The following FOXRED2 variants were observed in gnomAD, a reference collection of about 807,000 sequenced individuals.
FOXRED2 encodes FAD dependent oxidoreductase domain containing 2.
Under a neutral mutation model 52.5 loss-of-function variants are expected in FOXRED2, and 32 were observed. That is an observed-to-expected ratio of 0.61 (90% confidence interval 0.46 to 0.82). The LOEUF is 0.82. FOXRED2 is among the 40% of genes least tolerant of loss of function. The pLI is 0.00. For synonymous variants in FOXRED2, 405 were observed against 398.1 expected (o/e 1.02, Z -0.21); for missense variants, 848 against 937.5 (o/e 0.90, Z 1.25).
rs906176382 is a variant in FOXRED2 at position 36,506,279 on chromosome 22, G to A, written c.144C>T (p.Phe48=). The A allele has an allele frequency of 2.5e-6, 4 of 1,601,240 alleles. No individual in the cohort carries two copies. Among genetic ancestry groups the A allele is most frequent in the Non-Finnish European group, 3.4e-6 (4 of 1,173,398 alleles). Residue 48 remains phenylalanine (F), a synonymous_variant, in exon 2 of 9, where the codon TTC becomes TTT. Coordinates refer to ENST00000397224, the MANE Select transcript of FOXRED2 (RefSeq NM_001102371.2). ...CGTAGTCGCGTCCAGCGCGCTGCAG[G>A]AAGTAGGCCATCTGCAGGCCCGCGG... is the stretch of plus-strand genomic sequence containing the variant. ...AGPAGLQMAY[F]LQRAGRDYAV...
rs1367531316 is a variant in FOXRED2 at position 36,493,665 on chromosome 22, C to G, written c.1763G>C (p.Cys588Ser). ...GAAGCTTCGCAAATCGGTGTCCAAA[C>G]AGTTCTCCAGGAAGCGCCTCAGAGG... is the stretch of plus-strand genomic sequence containing the variant. ...ILPLRRFLEN[C>S]LDTDLRSFYA... The change falls in exon 8 of 9, where the codon TGT (cysteine) becomes TCT (serine). Residue 588 changes from cysteine (C) to serine (S), a missense_variant. Transcript: ENST00000397224. 1 of 1,614,198 alleles carries G rather than the reference C, an allele frequency of 6.2e-7. No homozygotes were observed. Among genetic ancestry groups the G allele is most frequent in the South Asian group, 1.1e-5 (1 of 91,086 alleles).
chr22:36,497,867 C>T, intron 6 of FOXRED2, 124 bp downstream of exon 6: 2 of 1,070,084 alleles, frequency 1.9e-6, no homozygotes, highest in South Asian at 1.5e-5. Flanking sequence ...CAGGCATGTT[C>T]CCCACAGCAG....
rs889725645 is a variant in FOXRED2, at chr22:36,503,379, G to T, written c.1049+719C>A. Among the ~76,000 whole-genome samples, 15 of 144,828 alleles carry T rather than the reference G, an allele frequency of 1.0e-4. No homozygotes were observed. The East Asian group carries it at 2.9e-3, about 28-fold the overall frequency. The stretch of plus-strand genomic sequence containing the variant: ...GGCTGGAGTGCAGTGGTGTGATCTC[G>T]GCTCACTGCAACTTCTGCTTCCCAG... On this transcript the variant is annotated intron_variant, in intron 4 of 8. Transcript: ENST00000397224.
In FOXRED2 at chr22:36,505,931, G is replaced by A. The variant is rs1169763113; in HGVS notation, c.492C>T (p.Ile164=). Reference sequence around the variant, plus strand: ...GCACCTGGCCCTTCTGGTCAGTTAGGATGAAGTAGTGGCCATTCCAGGCCT... The same window carrying A: ...GCACCTGGCCCTTCTGGTCAGTTAGAATGAAGTAGTGGCCATTCCAGGCCT... ...DRQAWNGHYF[I]LTDQKGQVHQ... is the part of the protein sequence containing the mutation. Residue 164 remains isoleucine (I), a synonymous_variant, in exon 2 of 9, where the codon ATC becomes ATT. Coordinates refer to ENST00000397224, the MANE Select transcript of FOXRED2 (RefSeq NM_001102371.2). 6.2e-7 allele frequency: 1 copy of A among 1,614,140 alleles called. No individual in the cohort carries two copies. The highest frequency in any genetic ancestry group is 1.1e-5 in the South Asian group (1 of 91,088).
chr22:36,501,142 A>G, intron 5 of FOXRED2, 99 bp downstream of exon 5: 1 of 1,247,806 alleles, frequency 8.0e-7, no homozygotes, highest in East Asian at 2.3e-5. Context: ...CTGACAAGCA[A>G]TCCCCTAATG....
chr22:36,493,661 CA>C lies in FOXRED2; in HGVS notation c.1766del (p.Leu589TrpfsTer32). On this transcript the variant is annotated frameshift_variant, in exon 8 of 9. Coordinates refer to ENST00000397224, the MANE Select transcript of FOXRED2 (RefSeq NM_001102371.2). LOFTEE classifies it low-confidence loss of function (END_TRUNC). ...CATAGAAGCTTCGCAAATCGGTGTCCAAACAGTTCTCCAGGAAGCGCCTCAG... is the reference window on the plus strand; with the variant it reads ...CATAGAAGCTTCGCAAATCGGTGTCCAACAGTTCTCCAGGAAGCGCCTCAG... ...LPLRRFLENCLDTDLRSFYAE... is the reference protein window; with the variant it reads ...LPLRRFLENCXDTDLRSFYAE... 6.2e-7 allele frequency: 1 copy of C among 1,614,136 alleles called. No individual in the cohort carries two copies. Among genetic ancestry groups the C allele is most frequent in the South Asian group, 1.1e-5 (1 of 91,074 alleles).
intron 4 of FOXRED2, among the ~76,000 whole-genome samples, chr22:36,503,019 C>T (rs1203585066): frequency 2.0e-5 from 3 of 149,636 alleles, no homozygotes; most frequent in African/African-American, 7.4e-5. Flanking sequence ...GACAGGGTCT[C>T]ACTCTGTTGC....
intron 3 of FOXRED2, 73 bp downstream of exon 3, chr22:36,504,442 G>C: frequency 3.7e-6 from 6 of 1,607,790 alleles, no homozygotes; most frequent in Non-Finnish European, 5.1e-6. Context: ...AGGAAGGGCA[G>C]GGGAGGGTTG....
chr22:36,495,916 C>T (rs772987475), intron 7 of FOXRED2, 51 bp downstream of exon 7: 39 of 1,595,290 alleles, frequency 2.4e-5, no homozygotes, highest in Admixed American at 1.0e-4. Flanking sequence ...ACCTTGCAGA[C>T]GGTGAGGTCT....
Position 36,505,890 on chromosome 22 carries a change from C to T in FOXRED2, c.527+6G>A. The T allele has an allele frequency of 6.2e-7, 1 of 1,606,060 alleles. No individual in the cohort carries two copies. Among genetic ancestry groups the T allele is most frequent in the East Asian group, 2.2e-5 (1 of 44,622 alleles). On this transcript the variant is annotated splice_donor_region_variant and intron_variant, in intron 2 of 8. Coordinates refer to ENST00000397224, the MANE Select transcript of FOXRED2 (RefSeq NM_001102371.2). Reference sequence around the variant, plus strand: ...TTCCGCAGGTGAGCTCTGGCACCGGCCTTACCTGCACTGATGCACCTGGCC... The same window carrying T: ...TTCCGCAGGTGAGCTCTGGCACCGGTCTTACCTGCACTGATGCACCTGGCC...
At chr22:36,497,946 G>T in intron 6 of FOXRED2, 45 bp downstream of exon 6, 1 of 1,586,644 alleles carries the variant, frequency 6.3e-7, no homozygotes, top group South Asian at 1.1e-5. Context: ...GCAGCACGTC[G>T]GGAAAGCTGG....
chr22:36,501,471 T>G, intron 4 of FOXRED2, 64 bp from the exon 5 acceptor site: 1 of 1,538,878 alleles, frequency 6.5e-7, no homozygotes, highest in Admixed American at 1.7e-5. Flanking sequence ...TTTATTTAGT[T>G]AGTTTTGAGA....
chr22:36,490,423 C>G (rs1243600215), intron 8 of FOXRED2, among the ~76,000 whole-genome samples, 156 bp from the exon 9 acceptor site: 1 of 152,258 alleles, frequency 6.6e-6, no homozygotes, highest in Non-Finnish European at 1.5e-5. Context: ...TTCTGGGCAT[C>G]TCACGTCCAA....
chr22:36,498,434 T>C (rs1399430440), intron 5 of FOXRED2: 2 of 370,096 alleles, frequency 5.4e-6, no homozygotes, highest in East Asian at 4.4e-5. Context: ...CTGCCCCTAG[T>C]GTAAAAGCGG....
At chr22:36,498,277 A>G in intron 5 of FOXRED2, 121 bp from the exon 6 acceptor site, 1 of 1,145,250 alleles carries the variant, frequency 8.7e-7, no homozygotes, top group Non-Finnish European at 1.2e-6. Context: ...TCCATGGCCC[A>G]GCGCAAACGC....
chr22:36,506,149 C>A lies in FOXRED2; in HGVS notation c.274G>T (p.Glu92Ter). 1 of 1,614,266 alleles carries A rather than the reference C, an allele frequency of 6.2e-7. No individual in the cohort carries two copies. The change falls in exon 2 of 9, where the codon GAG becomes TAG. Residue 92 changes from glutamate to a stop codon, truncating the protein, a stop_gained. Transcript: ENST00000397224. LOFTEE classifies it high-confidence loss of function. ...TTCCAGTCGTGGCGGAGGTTGAACT[C>A]GGCGTTAGCCTTGCCCGTGTACCGC... ...NKRYTGKANA[E>*]FNLRHDWNSL...
intron 7 of FOXRED2, 26 bp downstream of exon 7, chr22:36,495,941 T>A: frequency 1.2e-6 from 2 of 1,609,260 alleles, no homozygotes; most frequent in African/African-American, 1.3e-5. Flanking sequence ...AGCCCACAGG[T>A]TGGGGAAGGG....
At position 36,493,693 on chromosome 22, in the gene FOXRED2, G is replaced by A. The variant is rs771103235; in HGVS notation, c.1735C>T (p.Leu579=). 3.7e-6 allele frequency: 6 copies of A among 1,614,202 alleles called. No individual in the cohort carries two copies. The East Asian group carries it at 1.1e-4, about 30-fold the overall frequency. The part of the protein sequence containing the change: ...TDWTAPIGHI[L]PLRRFLENCL... ...TTCTCCAGGAAGCGCCTCAGAGGTA[G>A]GATGTGCCCGATCGGGGCAGTCCAG... is the stretch of plus-strand genomic sequence containing the variant. The change falls in exon 8 of 9, where the codon CTA becomes TTA. Residue 579 remains leucine, a synonymous_variant. Transcript: ENST00000397224.
At chr22:36,497,518 G>A (rs563993754) in intron 6 of FOXRED2, among the ~76,000 whole-genome samples, 22 of 151,306 alleles carry the variant, frequency 1.5e-4, no homozygotes, top group African/African-American at 3.2e-4. Flanking sequence ...GTCTCCCCCC[G>A]CCCCTCACCC....
Sources: allele counts gnomAD v4.1 joint callset (sites outside exome capture counted in the v4.1 genomes callset), GRCh38; gene constraint gnomAD v4.1.1; transcripts MANE v1.5; gene names NCBI Gene and HGNC (gene_info 2026-07-23, HGNC 2026-07-21).